Variants in RBFOX1 observed in about 807,000 individuals in gnomAD.
The protein encoded by RBFOX1 is RNA binding protein fox-1 homolog 1.
A neutral mutation model predicts 57.7 loss-of-function variants in RBFOX1; 8 were observed. That is an observed-to-expected ratio of 0.14 (90% CI 0.08 to 0.25). RBFOX1 has a LOEUF of 0.25. Among genes scored for constraint, RBFOX1 ranks in the 10% least tolerant of loss-of-function variants. The pLI, the probability that RBFOX1 is intolerant of heterozygous loss-of-function variation, is 1.00. For synonymous variants in RBFOX1, 326 were observed against 222.4 expected, an observed-to-expected ratio of 1.47 and a Z score of -4.15; for missense variants, 611 against 548.5, an observed-to-expected ratio of 1.11 and a Z score of -1.14.
intron 4 of RBFOX1, among the ~76,000 whole-genome samples, chr16:6,002,046 C>T (rs1463481912): frequency 6.7e-6 from 1 of 150,246 alleles, no homozygotes; most frequent in East Asian, 2.0e-4. Flanking sequence ...AGCCCCTGGG[C>T]TGAAATCTTC....
chr16:7,047,518 A>G (rs1228788639), intron 3 of RBFOX1, among the ~76,000 whole-genome samples: 1 of 151,670 alleles, frequency 6.6e-6, no homozygotes, highest in Non-Finnish European at 1.5e-5. Flanking sequence ...TGACTGTGAT[A>G]TATGTGGTTG....
intron 4 of RBFOX1, among the ~76,000 whole-genome samples, chr16:7,376,904 C>A (rs990309797): frequency 6.6e-6 from 1 of 152,036 alleles, no homozygotes; most frequent in African/African-American, 2.4e-5. Context: ...AGGAGGTACC[C>A]AGTGCATAGA....
chr16:5,811,236 A>G (rs988552691), intron 3 of RBFOX1, among the ~76,000 whole-genome samples: 8 of 130,308 alleles, frequency 6.1e-5, no homozygotes, highest in Admixed American at 5.8e-4. Context: ...TCCGCCTCCC[A>G]GGTTCTTCCA....
At chr16:7,229,359 C>G (rs572003795) in intron 4 of RBFOX1, among the ~76,000 whole-genome samples, 3 of 152,216 alleles carry the variant, frequency 2.0e-5, no homozygotes, top group African/African-American at 7.2e-5. Context: ...TTACATTAAC[C>G]TTAAAGATAA....
chr16:5,767,297 G>A (rs1282487950), intron 3 of RBFOX1, among the ~76,000 whole-genome samples: 1 of 152,236 alleles, frequency 6.6e-6, no homozygotes, highest in African/African-American at 2.4e-5. Flanking sequence ...AGCTGCTCAT[G>A]GTTGAAGGAA....
intron 4 of RBFOX1, among the ~76,000 whole-genome samples, chr16:5,884,227 T>C (rs1259522427): frequency 3.3e-5 from 5 of 152,154 alleles, no homozygotes; most frequent in African/African-American, 9.7e-5. Context: ...AACTCCCCCA[T>C]AGAGAACCTT....
intron 4 of RBFOX1, among the ~76,000 whole-genome samples, chr16:7,139,272 C>A (rs1025181411): frequency 6.6e-6 from 1 of 151,752 alleles, no homozygotes; most frequent in African/African-American, 2.4e-5. Flanking sequence ...ATTATAGCTA[C>A]TCTGTCACTC....
chr16:7,466,480 A>G (rs1011572619), intron 4 of RBFOX1, among the ~76,000 whole-genome samples: 26 of 152,174 alleles, frequency 1.7e-4, no homozygotes, highest in African/African-American at 4.3e-4. Flanking sequence ...AAGTCACCCC[A>G]GGTCCTAGGG....
intron 4 of RBFOX1, among the ~76,000 whole-genome samples, chr16:5,907,596 C>G (rs1046282919): frequency 6.6e-6 from 1 of 152,186 alleles, no homozygotes; most frequent in Non-Finnish European, 1.5e-5. Context: ...TACATAAGTA[C>G]TCATTTAAGT....
In RBFOX1 at chr16:6,764,823, G is replaced by C. The variant is rs2077102574; in HGVS notation, c.-16+110173G>C. ...ATGGTGACGGGTGCCTGTAATCCTA[G>C]CTACTCGGGAAGCTGAGGCAGGAGA... is the stretch of plus-strand genomic sequence containing the variant. On this transcript the variant is annotated intron_variant, in intron 3 of 15. Transcript: ENST00000550418. Among the ~76,000 whole-genome samples, 3 of 152,042 alleles carry C rather than the reference G, an allele frequency of 2.0e-5. No individual in the cohort carries two copies. In the South Asian group the frequency reaches 6.2e-4, roughly 32 times the overall value.
intron 4 of RBFOX1, among the ~76,000 whole-genome samples, chr16:7,238,190 A>G (rs1444566057): frequency 6.6e-6 from 1 of 152,190 alleles, no homozygotes; most frequent in African/African-American, 2.4e-5. Context: ...GGGAGAAAAG[A>G]GGAATGGTGA....
intron 3 of RBFOX1, among the ~76,000 whole-genome samples, chr16:5,824,311 C>T (rs571790783): frequency 6.6e-6 from 1 of 152,290 alleles, no homozygotes; most frequent in Middle Eastern, 3.4e-3. Flanking sequence ...GGGGCTGCCT[C>T]CCTCTTTTTT....
chr16:7,408,804 C>T lies in RBFOX1; in HGVS notation c.28-109343C>T, dbSNP rs145398592. 4.7e-4 allele frequency among the ~76,000 whole-genome samples: 72 copies of T among 152,228 alleles called. 1 individual carries two copies. The East Asian group carries it at 0.012, about 25-fold the overall frequency. On this transcript the variant is annotated intron_variant, in intron 4 of 15. Transcript: ENST00000550418. ...CTCCCTCCTTGTTGTGTTGTTACTACCGAAAATGTCTCCAGATACTGCCAT... is the reference window on the plus strand; with the variant it reads ...CTCCCTCCTTGTTGTGTTGTTACTATCGAAAATGTCTCCAGATACTGCCAT...
At chr16:7,309,881 G>A (rs2096270796) in intron 4 of RBFOX1, among the ~76,000 whole-genome samples, 1 of 152,196 alleles carries the variant, frequency 6.6e-6, no homozygotes, top group African/African-American at 2.4e-5. Flanking sequence ...TGTCCCATCT[G>A]CAGACCCCTT....
chr16:7,213,568 A>C (rs201116020), intron 4 of RBFOX1, among the ~76,000 whole-genome samples: 19,263 of 150,774 alleles, frequency 0.13, 1,462 homozygotes, highest in African/African-American at 0.21. Context: ...AAAAAAAAAA[A>C]CACAAACAAG....
intron 1 of RBFOX1, among the ~76,000 whole-genome samples, chr16:6,268,887 C>T (rs976649330): frequency 6.6e-6 from 1 of 152,196 alleles, no homozygotes; most frequent in Non-Finnish European, 1.5e-5. Context: ...CAGTGGGGGA[C>T]TGGTTCCAGG....
chr16:7,364,699 T>G (rs917689019), intron 4 of RBFOX1, among the ~76,000 whole-genome samples: 7 of 152,126 alleles, frequency 4.6e-5, no homozygotes, highest in Admixed American at 2.0e-4. Flanking sequence ...ACTTTTTCTA[T>G]CATCAGATCT....
chr16:6,272,167 C>T (rs1049076995), intron 1 of RBFOX1, among the ~76,000 whole-genome samples: 1 of 152,114 alleles, frequency 6.6e-6, no homozygotes, highest in African/African-American at 2.4e-5. Flanking sequence ...ATGTAATCTA[C>T]CCTACCAATA....
At chr16:5,901,822 A>C (rs1467429872) in intron 4 of RBFOX1, among the ~76,000 whole-genome samples, 1 of 152,194 alleles carries the variant, frequency 6.6e-6, no homozygotes, top group Non-Finnish European at 1.5e-5. Context: ...ATTTCCACCT[A>C]ATGCTTTTGC....
Sources: allele counts gnomAD v4.1 joint callset (sites outside exome capture counted in the v4.1 genomes callset), GRCh38; gene constraint gnomAD v4.1.1; transcripts MANE v1.5; gene names NCBI Gene and HGNC (gene_info 2026-07-23, HGNC 2026-07-21).